Variants in LIM2 observed in about 807,000 individuals in gnomAD.
The protein encoded by LIM2 is lens intrinsic membrane protein 2, also known as lens fiber membrane intrinsic protein.
In LIM2, 14 loss-of-function variants were observed where a neutral mutation model predicts 19.0. The ratio of observed to expected loss-of-function variants is 0.74; its 90% confidence interval spans 0.49 to 1.15. LIM2 has a LOEUF of 1.15. Ranked by LOEUF, LIM2 falls within the 50% of genes most tolerant of loss-of-function variation. The probability of loss-of-function intolerance (pLI) is 0.00; values close to 1 mark genes in which losing one functional copy is unlikely to be tolerated. For missense variants in LIM2, 230 were observed against 243.5 expected (o/e 0.94, Z 0.37); for synonymous variants, 78 against 89.6 (o/e 0.87, Z 0.73).
chr19:51,380,786 G>T, intron 3 of LIM2, 147 bp from the exon 4 acceptor site: 3 of 929,230 alleles, frequency 3.2e-6, no homozygotes, highest in Non-Finnish European at 3.3e-6. Flanking sequence ...TGAGGATAGG[G>T]GTTGAGTTGA....
At chr19:51,385,880 G>A (rs1036052981) in intron 2 of LIM2, among the ~76,000 whole-genome samples, 29 of 152,234 alleles carry the variant, frequency 1.9e-4, no homozygotes, top group Middle Eastern at 3.4e-3. Context: ...TGTCACGTCC[G>A]GCACTCAGTG....
At chr19:51,380,724 G>T in intron 3 of LIM2, 85 bp from the exon 4 acceptor site, 1 of 1,516,924 alleles carries the variant, frequency 6.6e-7, no homozygotes. Flanking sequence ...GATGGGGGTG[G>T]GAACTAAGAT....
At chr19:51,382,327 T>G in intron 3 of LIM2, 91 bp downstream of exon 3, 2 of 1,444,220 alleles carry the variant, frequency 1.4e-6, no homozygotes, top group East Asian at 2.3e-5. Context: ...TGAGGAGGAG[T>G]AAGGGGTGAG....
chr19:51,385,703 G>C (rs73560202), intron 2 of LIM2, among the ~76,000 whole-genome samples: 1 of 152,290 alleles, frequency 6.6e-6, no homozygotes, highest in East Asian at 1.9e-4. Context: ...CAGCCAGAAA[G>C]GAGAAGGATG....
chr19:51,381,319 T>A (rs1367286891), intron 3 of LIM2, among the ~76,000 whole-genome samples: 1 of 151,940 alleles, frequency 6.6e-6, no homozygotes, highest in Non-Finnish European at 1.5e-5. Flanking sequence ...TGAGACTCCA[T>A]CTCAAAAAAG....
chr19:51,380,287 AC>A (rs1335896057), intron 4 of LIM2, 25 bp from the exon 5 acceptor site: 1 of 1,609,466 alleles, frequency 6.2e-7, no homozygotes, highest in Non-Finnish European at 8.5e-7. Context: ...GTTCAAATTC[AC>A]CCCCTCAAAC....
intron 3 of LIM2, 55 bp downstream of exon 3, chr19:51,382,363 T>G: frequency 6.3e-7 from 1 of 1,594,376 alleles, no homozygotes; most frequent in African/African-American, 1.4e-5. Context: ...TGGGGACAGA[T>G]TGGGGTTTGA....
chr19:51,380,742 A>G (rs1599860639), intron 3 of LIM2, 103 bp from the exon 4 acceptor site: 4 of 667,320 alleles, frequency 6.0e-6, no homozygotes, highest in Non-Finnish European at 9.4e-6. Context: ...GATTGGGGAA[A>G]GGGGTGGAAA....
At chr19:51,387,083 G>T in intron 2 of LIM2, 186 bp downstream of exon 2, 1 of 1,094,044 alleles carries the variant, frequency 9.1e-7, no homozygotes, top group Non-Finnish European at 1.4e-6. Flanking sequence ...AGCACCCCGT[G>T]AAACTGCAGC....
At chr19:51,383,762 C>T (rs1330332082) in intron 2 of LIM2, among the ~76,000 whole-genome samples, 4 of 152,062 alleles carry the variant, frequency 2.6e-5, no homozygotes, top group African/African-American at 4.8e-5. Flanking sequence ...GTGACTTGCC[C>T]GAAGTCTCAT....
intron 2 of LIM2, among the ~76,000 whole-genome samples, chr19:51,382,850 G>C (rs1986934375): frequency 6.6e-6 from 1 of 151,956 alleles, no homozygotes; most frequent in Non-Finnish European, 1.5e-5. Flanking sequence ...CCTCCAGCCT[G>C]ATTGCTCCTT....
intron 3 of LIM2, among the ~76,000 whole-genome samples, chr19:51,381,559 G>A (rs1568480411): frequency 6.6e-6 from 1 of 152,086 alleles, no homozygotes; most frequent in Non-Finnish European, 1.5e-5. Context: ...TGGCTCCACA[G>A]GAAGAAGGCT....
At chr19:51,383,901 A>C (rs943966924) in intron 2 of LIM2, among the ~76,000 whole-genome samples, 4 of 152,310 alleles carry the variant, frequency 2.6e-5, no homozygotes, top group South Asian at 4.1e-4. Context: ...ATTGAAAAGT[A>C]AAAAGTCTAG....
chr19:51,385,152 C>T (rs1256643600), intron 2 of LIM2, among the ~76,000 whole-genome samples: 3 of 152,058 alleles, frequency 2.0e-5, no homozygotes, highest in Admixed American at 6.6e-5. Context: ...TGAGCCACCA[C>T]GTCCATCTGA....
At chr19:51,382,367 G>A in intron 3 of LIM2, 51 bp downstream of exon 3, 1 of 1,604,048 alleles carries the variant, frequency 6.2e-7, no homozygotes, top group South Asian at 1.1e-5. Context: ...GACAGATTGG[G>A]GTTTGAGATG....
chr19:51,380,768 G>T, intron 3 of LIM2, 129 bp from the exon 4 acceptor site: 1 of 985,392 alleles, frequency 1.0e-6, no homozygotes, highest in Non-Finnish European at 1.5e-6. Context: ...TGGGGGTGGG[G>T]ATAGGAGTGA....
At chr19:51,381,260 T>G (rs1203457901) in intron 3 of LIM2, among the ~76,000 whole-genome samples, 3 of 151,486 alleles carry the variant, frequency 2.0e-5, no homozygotes, top group South Asian at 4.2e-4. Flanking sequence ...GAGGTGGAGG[T>G]TGCAGTGAGC....
intron 2 of LIM2, 139 bp downstream of exon 2, chr19:51,387,130 C>T: frequency 4.6e-6 from 7 of 1,520,676 alleles, no homozygotes; most frequent in Non-Finnish European, 4.6e-6. Flanking sequence ...CTGCCCCCTC[C>T]ATGCTGAGTG....
rs1987101834 is a variant in LIM2, at chr19:51,387,450, C to G, written c.-6-1G>C. 6.2e-7 allele frequency: 1 copy of G among 1,613,538 alleles called. No individual in the cohort carries two copies. The highest frequency in any genetic ancestry group is 8.5e-7 in the Non-Finnish European group (1 of 1,179,978). Reference sequence around the variant, plus strand: ...CACCCATGAAGCTGTACATGGTGATCTGTGGGGAAGGGGAGAGATGGGATT... The same window carrying G: ...CACCCATGAAGCTGTACATGGTGATGTGTGGGGAAGGGGAGAGATGGGATT... On this transcript the variant is annotated splice_acceptor_variant, in intron 1 of 4. Transcript: ENST00000596399. LOFTEE classifies it low-confidence loss of function (5UTR_SPLICE).
Sources: gnomAD v4.1 joint callset for allele counts (sites outside exome capture counted in the v4.1 genomes callset) on GRCh38, gnomAD v4.1.1 for gene constraint, MANE v1.5 for transcripts, NCBI Gene and HGNC (gene_info 2026-07-23, HGNC 2026-07-21) for gene names.